The following GPC6 variants were observed in gnomAD, a reference collection of about 807,000 sequenced individuals.
The protein encoded by GPC6 is glypican 6.
In GPC6, 14 loss-of-function variants were observed where a neutral mutation model predicts 55.2. The ratio of observed to expected loss-of-function variants is 0.25; its 90% CI spans 0.17 to 0.40. The LOEUF is 0.40. Ranked by LOEUF, GPC6 falls within the 10% of genes least tolerant of loss-of-function variation. The pLI is 1.00. For missense variants in GPC6, 641 were observed against 708.5 expected (o/e 0.90, Z 1.08); for synonymous variants, 278 against 259.6 (o/e 1.07, Z -0.68).
chr13:94,353,575 A>T (rs1249618867), intron 6 of GPC6, among the ~76,000 whole-genome samples: 1 of 123,296 alleles, frequency 8.1e-6, no homozygotes, highest in Non-Finnish European at 1.8e-5. Flanking sequence ...TGCGAGGAGC[A>T]TATATATATA....
At chr13:94,223,705 A>C (rs2139004328) in intron 4 of GPC6, among the ~76,000 whole-genome samples, 1 of 152,304 alleles carries the variant, frequency 6.6e-6, no homozygotes, top group African/African-American at 2.4e-5. Context: ...CTTACACATG[A>C]GCAAACTTAG....
intron 2 of GPC6, among the ~76,000 whole-genome samples, chr13:93,714,597 G>C (rs1288119694): frequency 6.6e-6 from 1 of 151,780 alleles, no homozygotes; most frequent in Non-Finnish European, 1.5e-5. Flanking sequence ...AAATCCAAAG[G>C]ACAAAAATCA....
intron 4 of GPC6, among the ~76,000 whole-genome samples, chr13:94,072,262 A>G (rs1339297518): frequency 6.6e-6 from 1 of 152,226 alleles, no homozygotes; most frequent in African/African-American, 2.4e-5. Flanking sequence ...AAGATGGAAA[A>G]CCATAACACA....
At chr13:94,070,861 T>G (rs1488750431) in intron 4 of GPC6, among the ~76,000 whole-genome samples, 1 of 152,142 alleles carries the variant, frequency 6.6e-6, no homozygotes, top group Non-Finnish European at 1.5e-5. Flanking sequence ...CAACAATGAG[T>G]CTATAACTCT....
At chr13:93,990,697 AT>A (rs35070918) in intron 3 of GPC6, among the ~76,000 whole-genome samples, 42,730 of 143,776 alleles carry the variant, frequency 0.3, 6,121 homozygotes, top group Non-Finnish European at 0.33. Context: ...CTCTACAACA[AT>A]TTTTTTTTTT....
At chr13:93,428,095 T>C (rs1046226452) in intron 1 of GPC6, among the ~76,000 whole-genome samples, 3 of 152,164 alleles carry the variant, frequency 2.0e-5, no homozygotes, top group Non-Finnish European at 4.4e-5. Context: ...TCCTAGTTTT[T>C]GGATATTCTG....
chr13:93,867,636 C>T lies in GPC6; in HGVS notation c.711+37091C>T, dbSNP rs138876382. On this transcript the variant is annotated intron_variant, in intron 3 of 8. Coordinates refer to ENST00000377047, the MANE Select transcript of GPC6 (RefSeq NM_005708.5). ...CCCCAAATGGATGGAATCAACACTC[C>T]ATCTATTACAGCCTTGACCGCTGAC... Among the ~76,000 whole-genome samples the T allele has an allele frequency of 2.9e-3, 442 of 151,810 alleles. 5 individuals are homozygous for T. Among genetic ancestry groups the T allele is most frequent in the African/African-American group, 1.0e-2 (413 of 41,472 alleles).
intron 2 of GPC6, among the ~76,000 whole-genome samples, chr13:93,599,076 G>A (rs1877891805): frequency 6.6e-6 from 1 of 152,106 alleles, no homozygotes; most frequent in African/African-American, 2.4e-5. Flanking sequence ...ATCATCATGA[G>A]AACATATAAG....
rs942013747 is a variant in GPC6 at position 94,030,096 on chromosome 13, G to A, written c.877+2202G>A. ...CGGCTCACTGCAAGCTCCGCCTCCC[G>A]GGTTCATGCCATTCTCCTGTCTCAG... On this transcript the variant is annotated intron_variant, in intron 4 of 8. Transcript: ENST00000377047. Among the ~76,000 whole-genome samples the A allele has an allele frequency of 3.7e-4, 56 of 150,134 alleles. 1 individual carries two copies. The highest frequency in any genetic ancestry group is 2.2e-3 in the Admixed American group (33 of 14,946).
At chr13:93,305,191 G>A (rs1878815455) in intron 1 of GPC6, among the ~76,000 whole-genome samples, 1 of 152,044 alleles carries the variant, frequency 6.6e-6, no homozygotes, top group Non-Finnish European at 1.5e-5. Flanking sequence ...TCTCTATCTG[G>A]CCTCACCTCA....
intron 1 of GPC6, among the ~76,000 whole-genome samples, chr13:93,283,871 A>C (rs1165429409): frequency 6.6e-6 from 1 of 152,180 alleles, no homozygotes; most frequent in East Asian, 1.9e-4. Context: ...CCCCAGAAAC[A>C]ACTTATGGAG....
intron 5 of GPC6, among the ~76,000 whole-genome samples, chr13:94,288,463 C>T (rs1003077848): frequency 5.3e-5 from 8 of 151,830 alleles, no homozygotes; most frequent in African/African-American, 1.9e-4. Flanking sequence ...CTTTCAGTGG[C>T]TTCTTTTGTA....
intron 2 of GPC6, among the ~76,000 whole-genome samples, chr13:93,573,136 G>A (rs75311627): frequency 0.011 from 1,747 of 152,080 alleles, 35 homozygotes; most frequent in African/African-American, 0.04. Flanking sequence ...ATATTTATCA[G>A]TGGGAAAAAA....
intron 4 of GPC6, among the ~76,000 whole-genome samples, chr13:94,113,771 A>T (rs1438025370): frequency 6.6e-6 from 1 of 152,034 alleles, no homozygotes; most frequent in Non-Finnish European, 1.5e-5. Context: ...CTGCAATCCC[A>T]GCACTTTGGG....
chr13:93,812,252 G>T (rs1437104968), intron 2 of GPC6, among the ~76,000 whole-genome samples: 1 of 151,968 alleles, frequency 6.6e-6, no homozygotes, highest in Non-Finnish European at 1.5e-5. Flanking sequence ...AGCTCGGTGT[G>T]GTGGCAGGTG....
intron 1 of GPC6, among the ~76,000 whole-genome samples, chr13:93,291,560 C>T (rs760368781): frequency 6.6e-6 from 1 of 152,054 alleles, no homozygotes; most frequent in Non-Finnish European, 1.5e-5. Context: ...GTTTAAGTAG[C>T]TCATTTCTTC....
chr13:93,936,394 CAT>C (rs1491290518), intron 3 of GPC6, among the ~76,000 whole-genome samples: 166 of 150,730 alleles, frequency 1.1e-3, no homozygotes, highest in Non-Finnish European at 1.2e-3. Context: ...TGTGTGCGGG[CAT>C]GTGTGTGTGT....
At chr13:94,125,339 A>G (rs1044818463) in intron 4 of GPC6, among the ~76,000 whole-genome samples, 2 of 152,234 alleles carry the variant, frequency 1.3e-5, no homozygotes, top group South Asian at 4.1e-4. Flanking sequence ...TCTACAATCT[A>G]GATGCTTTAA....
intron 1 of GPC6, among the ~76,000 whole-genome samples, chr13:93,428,171 TA>T (rs1276679519): frequency 1.4e-5 from 1 of 70,812 alleles, no homozygotes; most frequent in African/African-American, 4.4e-5. Flanking sequence ...ATTATTTTGA[TA>T]AAAAATGAAT....
Sources: gnomAD v4.1 joint callset for allele counts (sites outside exome capture counted in the v4.1 genomes callset) on GRCh38, gnomAD v4.1.1 for gene constraint, MANE v1.5 for transcripts, NCBI Gene and HGNC (gene_info 2026-07-23, HGNC 2026-07-21) for gene names.